The following CYFIP1 variants were observed in gnomAD, a reference collection of about 807,000 sequenced individuals.
CYFIP1 encodes the protein cytoplasmic FMR1-interacting protein 1.
A neutral mutation model predicts 163.5 loss-of-function variants in CYFIP1; 58 were observed. The observed-to-expected ratio is 0.35, with a 90% CI of 0.29 to 0.44. The LOEUF (loss-of-function observed/expected upper bound fraction) is 0.44, where lower values mean the gene tolerates loss of function less well. Ranked by LOEUF, CYFIP1 falls within the 20% of genes least tolerant of loss-of-function variation. The pLI is 1.00. For synonymous variants in CYFIP1, 663 were observed against 660.7 expected (o/e 1.00, Z -0.05); for missense variants, 1,338 against 1,653.8 (o/e 0.81, Z 3.31).
intron 1 of CYFIP1, among the ~76,000 whole-genome samples, chr15:22,952,995 C>T (rs992761008): frequency 3.3e-5 from 5 of 152,214 alleles, no homozygotes; most frequent in African/African-American, 4.8e-5. Context: ...TCATAGGCAG[C>T]CCTCCCACAT....
rs1595539109 is a variant in CYFIP1, at chr15:22,895,794, G to A, written c.2589-2817C>T. Among the ~76,000 whole-genome samples, 4 of 152,136 alleles carry A rather than the reference G, an allele frequency of 2.6e-5. No homozygotes were observed. In the South Asian group the frequency reaches 6.2e-4, roughly 24 times the overall value. ...ATTCAGTCAACTGTGCCCATGCAACGAAGCCCCAATAAAAACTGAACACCA... is the reference window on the plus strand; with the variant it reads ...ATTCAGTCAACTGTGCCCATGCAACAAAGCCCCAATAAAAACTGAACACCA... On this transcript the variant is annotated intron_variant, in intron 22 of 30. Coordinates refer to ENST00000617928, the MANE Select transcript of CYFIP1 (RefSeq NM_014608.6).
intron 24 of CYFIP1, among the ~76,000 whole-genome samples, chr15:22,882,550 AC>A (rs1182593956): frequency 1.3e-5 from 2 of 152,230 alleles, no homozygotes. Context: ...CACGCCTGTA[AC>A]CCCAGCACTT....
intron 13 of CYFIP1, among the ~76,000 whole-genome samples, chr15:22,924,184 A>G (rs6606811): frequency 0.81 from 122,557 of 152,022 alleles, 50,194 homozygotes; most frequent in African/African-American, 0.95. Context: ...GGCACTTTGG[A>G]AGCCCAAGGC....
In CYFIP1 at chr15:22,927,922, G is replaced by A. The variant is rs767405022; in HGVS notation, c.1217C>T (p.Ala406Val). 14 of 1,606,124 alleles carry A rather than the reference G, an allele frequency of 8.7e-6. No homozygotes were observed. Among genetic ancestry groups the A allele is most frequent in the Non-Finnish European group, 1.2e-5 (14 of 1,177,956 alleles). Residue 406 changes from alanine (A) to valine (V), a missense_variant, in exon 12 of 31, where the codon GCG becomes GTG. Coordinates refer to ENST00000617928, the MANE Select transcript of CYFIP1 (RefSeq NM_014608.6). ...QGLQLLSQWS[A>V]HVMEVYSWKL... ...GGGGCCTACCACTTCCATCACGTGC[G>A]CGCTCCACTGCGACAACAGCTGCAG...
rs1211563823 is a variant in CYFIP1, at chr15:22,903,897, A to G, written c.2397T>C (p.Asp799=). Residue 799 remains aspartate, a synonymous_variant, in exon 22 of 31, where the codon GAT becomes GAC. Transcript: ENST00000617928. ...SEDLTSIVEL[D]GLLEINRMTH... is the part of the protein sequence containing the mutation. Reference sequence around the variant, plus strand: ...TCATGCGGTTGATTTCCAACAGGCCATCCAGCTCCTGTGGCACCAAAGACA... The same window carrying G: ...TCATGCGGTTGATTTCCAACAGGCCGTCCAGCTCCTGTGGCACCAAAGACA... 2 of 1,613,866 alleles carry G rather than the reference A, an allele frequency of 1.2e-6. No homozygotes were observed. The highest frequency in any genetic ancestry group is 2.7e-5 in the African/African-American group (2 of 74,896).
rs1292206570 is a variant in CYFIP1, at chr15:22,963,541, T to TAA, written c.-6-16252_-6-16251dup. Among the ~76,000 whole-genome samples, 16 of 140,444 alleles carry TAA rather than the reference T, an allele frequency of 1.1e-4. No homozygotes were observed. In the East Asian group the frequency reaches 2.7e-3, roughly 23 times the overall value. 92.1% of individuals were successfully genotyped at this position (140,444 alleles called of 152,430 possible). A position where few individuals can be genotyped will look rare whatever the true frequency, so the allele number is the denominator to read the frequency against. On this transcript the variant is annotated intron_variant, in intron 1 of 30. Transcript: ENST00000617928. ...TAACATAACATAACATAACATAACA[T>TAA]AACATAACATAACATAAGAAAGAAT...
At chr15:22,884,508 G>A (rs186561191) in intron 23 of CYFIP1, among the ~76,000 whole-genome samples, 9 of 152,172 alleles carry the variant, frequency 5.9e-5, no homozygotes, top group Non-Finnish European at 8.8e-5. Flanking sequence ...GTAAGATGTG[G>A]GCTCCCACAG....
intron 22 of CYFIP1, among the ~76,000 whole-genome samples, chr15:22,901,721 C>T (rs2060399731): frequency 6.6e-6 from 1 of 152,222 alleles, no homozygotes; most frequent in Non-Finnish European, 1.5e-5. Context: ...CTGGCTTGTG[C>T]CATGTAGCTC....
rs539174213 is a variant in CYFIP1 at position 22,960,038 on chromosome 15, C to A, written c.-6-12747G>T. On this transcript the variant is annotated intron_variant, in intron 1 of 30. Transcript: ENST00000617928. Reference sequence around the variant, plus strand: ...GTAGCAGCCCAGCCCTTCTCCTGCACCAAGTGCACCCACGAGGAGCTGCAG... The same window carrying A: ...GTAGCAGCCCAGCCCTTCTCCTGCAACAAGTGCACCCACGAGGAGCTGCAG... Among the ~76,000 whole-genome samples, 8 of 152,324 alleles carry A rather than the reference C, an allele frequency of 5.3e-5. No homozygotes were observed. In the South Asian group the frequency reaches 1.2e-3, roughly 24 times the overall value.
intron 25 of CYFIP1, among the ~76,000 whole-genome samples, chr15:22,880,483 G>A (rs1175687403): frequency 2.6e-5 from 4 of 152,204 alleles, no homozygotes; most frequent in Non-Finnish European, 5.9e-5. Context: ...CCCAACGGGA[G>A]GCCGCACACC....
Position 22,903,911 on chromosome 15 carries a change from G to GCAC in CYFIP1, c.2389-9_2389-7dup, listed in dbSNP as rs761267174. 2 of 1,613,460 alleles carry GCAC rather than the reference G, an allele frequency of 1.2e-6. No individual in the cohort carries two copies. Among genetic ancestry groups the GCAC allele is most frequent in the Non-Finnish European group, 1.7e-6 (2 of 1,179,722 alleles). On this transcript the variant is annotated splice_region_variant and splice_polypyrimidine_tract_variant and intron_variant, in intron 21 of 30. Coordinates refer to ENST00000617928, the MANE Select transcript of CYFIP1 (RefSeq NM_014608.6). The stretch of plus-strand genomic sequence containing the variant: ...TCCAACAGGCCATCCAGCTCCTGTG[G>GCAC]CACCAAAGACAGGGGTGGGTGACAG...
intron 23 of CYFIP1, among the ~76,000 whole-genome samples, chr15:22,889,055 C>CAAA (rs111385392): frequency 6.7e-5 from 10 of 150,046 alleles, no homozygotes; most frequent in Non-Finnish European, 1.3e-4. Flanking sequence ...AAAAAACACA[C>CAAA]AAAAAAAACA....
In CYFIP1 at chr15:22,889,430, C is replaced by T. The variant is rs902369697; in HGVS notation, c.2676+3460G>A. 1.1e-4 allele frequency among the ~76,000 whole-genome samples: 16 copies of T among 152,326 alleles called. No homozygotes were observed. In the East Asian group the frequency reaches 2.9e-3, roughly 28 times the overall value. ...ATGGAAGCAACAGTGCCTCCCTGCA[C>T]TCCTGGGAGAAAATCCTGGAGAATA... On this transcript the variant is annotated intron_variant, in intron 23 of 30. Coordinates refer to ENST00000617928, the MANE Select transcript of CYFIP1 (RefSeq NM_014608.6).
At chr15:22,972,368 C>A (rs912693567) in intron 1 of CYFIP1, among the ~76,000 whole-genome samples, 3 of 152,028 alleles carry the variant, frequency 2.0e-5, no homozygotes, top group Non-Finnish European at 2.9e-5. Context: ...ACCCGGGAGG[C>A]GGAGGTTGCA....
chr15:22,927,845 A>C, intron 12 of CYFIP1, 61 bp downstream of exon 12: 1 of 1,509,338 alleles, frequency 6.6e-7, no homozygotes, highest in Non-Finnish European at 8.8e-7. Context: ...ACCAAAAGTT[A>C]ATGTGAATAA....
chr15:22,888,635 G>A (rs2059987230), intron 23 of CYFIP1, among the ~76,000 whole-genome samples: 1 of 152,032 alleles, frequency 6.6e-6, no homozygotes, highest in South Asian at 2.1e-4. Flanking sequence ...GGGAGGCTGA[G>A]GCAGGAGGAT....
chr15:22,908,518 C>CTTTTTT lies in CYFIP1; in HGVS notation c.2388+670_2388+675dup, dbSNP rs58565266. Among the ~76,000 whole-genome samples, 150 of 75,484 alleles carry CTTTTTT rather than the reference C, an allele frequency of 2.0e-3. 12 individuals are homozygous for CTTTTTT. Among genetic ancestry groups the CTTTTTT allele is most frequent in the African/African-American group, 7.2e-3 (121 of 16,762 alleles). The allele number at this position is 75,484 out of a possible 152,430, so 49.5% of individuals were successfully genotyped here. On this transcript the variant is annotated intron_variant, in intron 21 of 30. Transcript: ENST00000617928. ...CTCTTGGTCCCTAAAGAAGATATTTCTTTTTTTTTTTTTTTTTTTTTTTTT... is the reference window on the plus strand; with the variant it reads ...CTCTTGGTCCCTAAAGAAGATATTTCTTTTTTTTTTTTTTTTTTTTTTTTTTTTTTT...
At chr15:22,876,781 A>C (rs1196530005) in intron 26 of CYFIP1, among the ~76,000 whole-genome samples, 5 of 152,042 alleles carry the variant, frequency 3.3e-5, no homozygotes, top group Non-Finnish European at 7.4e-5. Context: ...TGGTGAGTCA[A>C]GATTGTGCCA....
chr15:22,935,556 GACTACATGAAAATGACAA>G (rs1357689157), intron 9 of CYFIP1, among the ~76,000 whole-genome samples: 1 of 152,154 alleles, frequency 6.6e-6, no homozygotes, highest in Non-Finnish European at 1.5e-5. Flanking sequence ...TCATATATGA[GACTACATGAAAATGACAA>G]ACTTCTGTTC....
Sources: allele counts gnomAD v4.1 joint callset (sites outside exome capture counted in the v4.1 genomes callset), GRCh38; gene constraint gnomAD v4.1.1; transcripts MANE v1.5; gene names NCBI Gene and HGNC (gene_info 2026-07-23, HGNC 2026-07-21).